The following SENP7 variants were observed in gnomAD, a reference collection of about 807,000 sequenced individuals.
The protein encoded by SENP7 is sentrin-specific protease 7.
In SENP7, 64 loss-of-function variants were observed where a neutral mutation model predicts 141.2. The ratio of observed to expected loss-of-function variants is 0.45; its 90% CI spans 0.37 to 0.56. The LOEUF (loss-of-function observed/expected upper bound fraction) is 0.56. Ranked by LOEUF, SENP7 falls within the 20% of genes least tolerant of loss-of-function variation. SENP7 has a pLI of 0.00. For synonymous variants in SENP7, 382 were observed against 426.4 expected, an observed-to-expected ratio of 0.90 and a Z score of 1.28; for missense variants, 1,025 against 1,212.2, an observed-to-expected ratio of 0.85 and a Z score of 2.29.
chr3:101,448,463 G>A (rs946586857), intron 4 of SENP7, among the ~76,000 whole-genome samples: 32 of 152,188 alleles, frequency 2.1e-4, no homozygotes, highest in Admixed American at 1.3e-4. Flanking sequence ...TACAAACGAC[G>A]AATTAGCTCC....
intron 2 of SENP7, among the ~76,000 whole-genome samples, chr3:101,497,008 T>C (rs1378683799): frequency 2.0e-5 from 3 of 152,208 alleles, no homozygotes; most frequent in African/African-American, 4.8e-5. Flanking sequence ...CTACTAACAA[T>C]AATGAAATAT....
chr3:101,332,899 T>G, intron 17 of SENP7, 37 bp from the exon 18 acceptor site: 1 of 1,548,496 alleles, frequency 6.5e-7, no homozygotes, highest in Non-Finnish European at 8.6e-7. Flanking sequence ...ATATAAAAAT[T>G]TTTTCATTTA....
intron 11 of SENP7, chr3:101,357,802 C>T: frequency 5.0e-6 from 3 of 603,514 alleles, no homozygotes; most frequent in Non-Finnish European, 6.2e-6. Context: ...CAGTCCTCAA[C>T]CCTTACTACA....
At chr3:101,433,208 A>G (rs533835434) in intron 4 of SENP7, among the ~76,000 whole-genome samples, 10 of 152,234 alleles carry the variant, frequency 6.6e-5, no homozygotes, top group Non-Finnish European at 1.3e-4. Flanking sequence ...AAAGGGTAAT[A>G]AGATAGTATT....
chr3:101,401,163 G>A (rs148084323), intron 5 of SENP7, among the ~76,000 whole-genome samples: 11 of 152,102 alleles, frequency 7.2e-5, no homozygotes, highest in African/African-American at 2.4e-4. Context: ...AGCTGAGACA[G>A]GCTGAAAGCA....
At chr3:101,452,845 A>T (rs1433589204) in intron 4 of SENP7, among the ~76,000 whole-genome samples, 1 of 152,240 alleles carries the variant, frequency 6.6e-6, no homozygotes, top group Non-Finnish European at 1.5e-5. Context: ...CAATGGCAAC[A>T]AAAGCCAAAA....
intron 14 of SENP7, among the ~76,000 whole-genome samples, chr3:101,342,216 A>C (rs932824332): frequency 3.3e-5 from 5 of 152,230 alleles, no homozygotes; most frequent in African/African-American, 9.6e-5. Context: ...CTTATACTTT[A>C]TCTAACACTA....
chr3:101,496,595 T>TG (rs1465603449), intron 2 of SENP7, among the ~76,000 whole-genome samples: 1 of 150,766 alleles, frequency 6.6e-6, no homozygotes, highest in Non-Finnish European at 1.5e-5. Flanking sequence ...TTTTTTTTTT[T>TG]GAGACAGAGT....
At chr3:101,401,888 G>C (rs1397569744) in intron 5 of SENP7, among the ~76,000 whole-genome samples, 1 of 151,914 alleles carries the variant, frequency 6.6e-6, no homozygotes, top group South Asian at 2.1e-4. Context: ...GGAGACTGAA[G>C]TGAGAGGATC....
chr3:101,511,802 GTTTT>G (rs950861172), intron 1 of SENP7, among the ~76,000 whole-genome samples: 5 of 151,672 alleles, frequency 3.3e-5, no homozygotes, highest in Non-Finnish European at 5.9e-5. Flanking sequence ...TTTGGAATTG[GTTTT>G]TTTTGTTTTT....
At chr3:101,416,826 T>C (rs995698753) in intron 5 of SENP7, among the ~76,000 whole-genome samples, 3 of 152,208 alleles carry the variant, frequency 2.0e-5, no homozygotes, top group African/African-American at 7.2e-5. Context: ...TTATATACTG[T>C]CATTCAGATT....
intron 4 of SENP7, among the ~76,000 whole-genome samples, chr3:101,451,067 A>C (rs2063115662): frequency 6.6e-6 from 1 of 152,224 alleles, no homozygotes; most frequent in Non-Finnish European, 1.5e-5. Flanking sequence ...ACAAACTACC[A>C]TCAGAGAATA....
chr3:101,463,402 T>TAC (rs1553744835), intron 3 of SENP7, among the ~76,000 whole-genome samples: 2 of 101,256 alleles, frequency 2.0e-5, no homozygotes, highest in Admixed American at 1.0e-4. Flanking sequence ...TATATACATA[T>TAC]ATATATATAT....
chr3:101,431,324 T>C (rs1382014179), intron 4 of SENP7, among the ~76,000 whole-genome samples: 1 of 152,076 alleles, frequency 6.6e-6, no homozygotes, highest in Non-Finnish European at 1.5e-5. Flanking sequence ...TAAGTCTCTT[T>C]GTAGGTCTCT....
rs2061662329 is a variant in SENP7 at position 101,417,589 on chromosome 3, A to G, written c.482+4T>C. The stretch of plus-strand genomic sequence containing the variant: ...TTGAACAAAATCAATACTGAACAAC[A>G]TACCTTTCAGATAAATTAAGGCTTT... On this transcript the variant is annotated splice_donor_region_variant and intron_variant, in intron 5 of 23. Coordinates refer to ENST00000394095, the MANE Select transcript of SENP7 (RefSeq NM_020654.5). 14 of 1,606,246 alleles carry G rather than the reference A, an allele frequency of 8.7e-6. No individual in the cohort carries two copies. The highest frequency in any genetic ancestry group is 1.7e-5 in the Admixed American group (1 of 60,006).
At chr3:101,402,790 A>C (rs2061188571) in intron 5 of SENP7, among the ~76,000 whole-genome samples, 1 of 152,120 alleles carries the variant, frequency 6.6e-6, no homozygotes, top group Non-Finnish European at 1.5e-5. Context: ...TTCCTTTCAA[A>C]ATATTACAGC....
intron 13 of SENP7, chr3:101,347,597 C>A (rs1194624471): frequency 2.2e-5 from 4 of 177,820 alleles, no homozygotes; most frequent in Non-Finnish European, 4.7e-5. Context: ...TGGCGGGCAC[C>A]TGTAGTCCCA....
intron 16 of SENP7, among the ~76,000 whole-genome samples, chr3:101,338,486 G>A (rs1160312617): frequency 1.3e-5 from 2 of 152,152 alleles, no homozygotes; most frequent in African/African-American, 4.8e-5. Flanking sequence ...TTCATGATTA[G>A]AAAACTCTGC....
At chr3:101,443,685 C>T (rs1205152390) in intron 4 of SENP7, among the ~76,000 whole-genome samples, 2 of 145,612 alleles carry the variant, frequency 1.4e-5, no homozygotes, top group African/African-American at 2.6e-5. Context: ...AAGTTGGATT[C>T]CTAGGTATTT....
Sources: gnomAD v4.1 joint callset for allele counts (sites outside exome capture counted in the v4.1 genomes callset) on GRCh38, gnomAD v4.1.1 for gene constraint, MANE v1.5 for transcripts, NCBI Gene and HGNC (gene_info 2026-07-23, HGNC 2026-07-21) for gene names.